The following SLA2 variants were observed in gnomAD, a reference collection of about 807,000 sequenced individuals.
SLA2 encodes the protein Src like adaptor 2.
A neutral mutation model predicts 27.3 loss-of-function variants in SLA2; 22 were observed. The ratio of observed to expected loss-of-function variants is 0.81; its 90% CI spans 0.58 to 1.15. The LOEUF is 1.15. SLA2 is among the 50% of genes most tolerant of loss of function. The pLI is 0.00. For synonymous variants in SLA2, 131 were observed against 137.8 expected (o/e 0.95, Z 0.34); for missense variants, 304 against 322.2 (o/e 0.94, Z 0.43).
In SLA2 at chr20:36,614,362, TC is replaced by T; in HGVS notation, c.607del (p.Asp203IlefsTer6). 1 of 1,614,172 alleles carries T rather than the reference TC, an allele frequency of 6.2e-7. No individual in the cohort carries two copies. Among genetic ancestry groups the T allele is most frequent in the Non-Finnish European group, 8.5e-7 (1 of 1,180,028 alleles). On this transcript the variant is annotated frameshift_variant, in exon 7 of 8. Transcript: ENST00000262866. LOFTEE classifies it high-confidence loss of function. ...LQRAGPLPGK[D>X]IPLPVTVQRT... Reference sequence around the variant, plus strand: ...CTGCACAGTCACAGGTAGGGGTATATCCTTGCCAGGGAGCGGGCCAGCCCTC... The same window carrying T: ...CTGCACAGTCACAGGTAGGGGTATATCTTGCCAGGGAGCGGGCCAGCCCTC...
intron 1 of SLA2, among the ~76,000 whole-genome samples, chr20:36,645,270 G>C (rs1490360968): frequency 6.7e-6 from 1 of 150,222 alleles, no homozygotes; most frequent in East Asian, 1.9e-4. Flanking sequence ...GGGAGGCTAA[G>C]GCAGGAGGAT....
chr20:36,621,603 G>C (rs1425090224), intron 5 of SLA2, among the ~76,000 whole-genome samples: 1 of 146,504 alleles, frequency 6.8e-6, no homozygotes, highest in African/African-American at 2.5e-5. Flanking sequence ...TCCAGCCTGG[G>C]TGACAGAGCA....
In SLA2 at chr20:36,628,725, T is replaced by A. The variant is rs116535713; in HGVS notation, c.382+3870A>T. 4.2e-3 allele frequency among the ~76,000 whole-genome samples: 613 copies of A among 146,700 alleles called. 4 individuals are homozygous for A. Among genetic ancestry groups the A allele is most frequent in the African/African-American group, 9.4e-3 (377 of 39,960 alleles). On this transcript the variant is annotated intron_variant, in intron 5 of 7. Transcript: ENST00000262866. ...CACACCTAGCTAACTTAAAAAAAAA[T>A]TTTTTTTTTTTAAGAGATGGGGGTC...
At chr20:36,629,389 G>C (rs2039371090) in intron 5 of SLA2, among the ~76,000 whole-genome samples, 1 of 151,754 alleles carries the variant, frequency 6.6e-6, no homozygotes, top group African/African-American at 2.4e-5. Flanking sequence ...CTAGCACTTT[G>C]GGAGGCCAAG....
Position 36,613,774 on chromosome 20 carries a change from G to A in SLA2, c.*92C>T. The A allele has an allele frequency of 2.4e-6, 1 of 413,222 alleles. No homozygotes were observed. Among genetic ancestry groups the A allele is most frequent in the Non-Finnish European group, 4.6e-6 (1 of 215,710 alleles). 25.6% of individuals were successfully genotyped at this position (413,222 alleles called of 1,614,324 possible). A position where few individuals can be genotyped will look rare whatever the true frequency, so the allele number is the denominator to read the frequency against. ...CCTCTGTGTCCCACCCTCCCTCCCT[G>A]AGTGCACAGCCTTGCCTCTGGGGTG... On this transcript the variant is annotated 3_prime_UTR_variant, in exon 8 of 8. Transcript: ENST00000262866.
chr20:36,620,392 ATAAAT>A (rs2039268922), intron 5 of SLA2: 1 of 180,218 alleles, frequency 5.5e-6, no homozygotes, highest in Admixed American at 6.3e-5. Flanking sequence ...AAAAAATAAA[ATAAAT>A]AAAATAAAGA....
intron 5 of SLA2, among the ~76,000 whole-genome samples, chr20:36,629,747 A>C (rs113088286): frequency 0.031 from 4,747 of 152,106 alleles, 243 homozygotes; most frequent in African/African-American, 0.11. Flanking sequence ...GCACTCCAGC[A>C]TAGGCAACAG....
intron 5 of SLA2, among the ~76,000 whole-genome samples, chr20:36,631,320 A>G (rs1600827085): frequency 6.6e-6 from 1 of 152,082 alleles, no homozygotes; most frequent in Admixed American, 6.6e-5. Context: ...GCCTCACTAC[A>G]TTTTAAATTT....
chr20:36,637,585 G>A (rs888879260), intron 2 of SLA2, among the ~76,000 whole-genome samples: 11 of 132,154 alleles, frequency 8.3e-5, no homozygotes, highest in African/African-American at 3.1e-4. Context: ...GCACATTGAT[G>A]TTATTTCTTC....
intron 5 of SLA2, among the ~76,000 whole-genome samples, chr20:36,619,907 C>T (rs1349542461): frequency 1.3e-5 from 2 of 148,686 alleles, no homozygotes; most frequent in Non-Finnish European, 1.5e-5. Context: ...GCTGGGATTA[C>T]AGGTGTGAGC....
At position 36,613,833 on chromosome 20, in the gene SLA2, GCCTTGGTTTC is replaced by G; in HGVS notation, c.*23_*32del. Reference sequence around the variant, plus strand: ...GCTGAATTGGGGTTCTAGGTGTGCAGCCTTGGTTTCCCTTTTGGCCTCTCCTTTGGGCCTA... The same window carrying G: ...GCTGAATTGGGGTTCTAGGTGTGCAGCCTTTTGGCCTCTCCTTTGGGCCTA... On this transcript the variant is annotated 3_prime_UTR_variant, in exon 8 of 8. Transcript: ENST00000262866. 2 of 1,542,944 alleles carry G rather than the reference GCCTTGGTTTC, an allele frequency of 1.3e-6. No individual in the cohort carries two copies. Among genetic ancestry groups the G allele is most frequent in the Non-Finnish European group, 8.8e-7 (1 of 1,134,982 alleles).
chr20:36,634,896 A>G (rs1254317387), intron 2 of SLA2, among the ~76,000 whole-genome samples: 1 of 151,814 alleles, frequency 6.6e-6, no homozygotes, highest in African/African-American at 2.4e-5. Context: ...ATCTCTAAAA[A>G]TTAGGCTCAA....
At chr20:36,614,119 A>C (rs2039176546) in intron 7 of SLA2, 133 bp from the exon 8 acceptor site, 2 of 1,476,962 alleles carry the variant, frequency 1.4e-6, no homozygotes, top group African/African-American at 2.8e-5. Flanking sequence ...GTTCCCTATC[A>C]GATCAGCTTC....
At chr20:36,623,301 G>A (rs1405811177) in intron 5 of SLA2, among the ~76,000 whole-genome samples, 1 of 147,704 alleles carries the variant, frequency 6.8e-6, no homozygotes, top group East Asian at 2.0e-4. Flanking sequence ...TCGACAGCAT[G>A]CTTAATAGGA....
chr20:36,612,841 C>CTT lies in SLA2; in HGVS notation c.*1023_*1024dup, dbSNP rs1036629718. 43 of 156,500 alleles carry CTT rather than the reference C, an allele frequency of 2.7e-4. No individual in the cohort carries two copies. Among genetic ancestry groups the CTT allele is most frequent in the Non-Finnish European group, 1.1e-4 (8 of 70,634 alleles). The allele number at this position is 156,500 out of a possible 1,614,324, so 9.7% of individuals were successfully genotyped here. ...CCTGGCCTCACTGCAGTGTGCTAGA[C>CTT]TTAAGAGGTGTTATTTTTTATTCGG... On this transcript the variant is annotated 3_prime_UTR_variant, in exon 8 of 8. Coordinates refer to ENST00000262866, the MANE Select transcript of SLA2 (RefSeq NM_032214.4).
chr20:36,614,631 C>T lies in SLA2; in HGVS notation c.533-194G>A, dbSNP rs538736410. 544 of 985,426 alleles carry T rather than the reference C, an allele frequency of 5.5e-4. 6 individuals are homozygous for T. The African/African-American group carries it at 9.2e-3, about 17-fold the overall frequency. 61.0% of individuals were successfully genotyped at this position (985,426 alleles called of 1,614,324 possible). A position where few individuals can be genotyped will look rare whatever the true frequency, so the allele number is the denominator to read the frequency against. On this transcript the variant is annotated intron_variant, in intron 6 of 7. Transcript: ENST00000262866. ...TCTTTCTGGGCTAACTTTTGGGAGACAGTCACTGTATGATTTAGGGTGAGT... is the reference window on the plus strand; with the variant it reads ...TCTTTCTGGGCTAACTTTTGGGAGATAGTCACTGTATGATTTAGGGTGAGT...
intron 6 of SLA2, chr20:36,614,977 A>G: frequency 1.0e-6 from 1 of 985,364 alleles, no homozygotes; most frequent in Non-Finnish European, 1.2e-6. Flanking sequence ...CTGAGTCAGA[A>G]CCAGAGTGGT....
At chr20:36,624,174 G>A (rs1406949650) in intron 5 of SLA2, among the ~76,000 whole-genome samples, 4 of 152,154 alleles carry the variant, frequency 2.6e-5, no homozygotes, top group Non-Finnish European at 5.9e-5. Flanking sequence ...AGCCTACTAC[G>A]GCTTCCTGCG....
In SLA2 at chr20:36,632,679, T is replaced by C. The variant is rs1202063450; in HGVS notation, c.298A>G (p.Ser100Gly). ...AGCAGTTCCTCTGCTTTCTCCCTGC[T>C]CAGGCCCTCATACAGCCACCTGGCG... is the stretch of plus-strand genomic sequence containing the variant. ...VSHGWLYEGL[S>G]REKAEELLLL... Residue 100 changes from serine (S) to glycine (G), a missense_variant, in exon 5 of 8, where the codon AGC (serine) becomes GGC (glycine). Ser to Gly is a moderately conservative substitution (Grantham distance 56). Coordinates refer to ENST00000262866, the MANE Select transcript of SLA2 (RefSeq NM_032214.4). 6.2e-7 allele frequency: 1 copy of C among 1,613,972 alleles called. No individual in the cohort carries two copies. The highest frequency in any genetic ancestry group is 1.3e-5 in the African/African-American group (1 of 74,912).
Sources: allele counts gnomAD v4.1 joint callset (sites outside exome capture counted in the v4.1 genomes callset), GRCh38; gene constraint gnomAD v4.1.1; transcripts MANE v1.5; gene names NCBI Gene and HGNC (gene_info 2026-07-23, HGNC 2026-07-21).